DACH1: variants seen among roughly 807,000 people sequenced by gnomAD.
DACH1 encodes dachshund homolog 1.
In DACH1, 12 loss-of-function variants were observed where a neutral mutation model predicts 54.2. That is an observed-to-expected ratio of 0.22 (90% CI 0.14 to 0.36). The LOEUF is 0.36. Ranked by LOEUF, DACH1 falls within the 10% of genes least tolerant of loss-of-function variation. The pLI is 1.00. For missense variants in DACH1, 805 were observed against 929.8 expected (o/e 0.87, Z 1.75); for synonymous variants, 386 against 366.2 (o/e 1.05, Z -0.62).
intron 1 of DACH1, among the ~76,000 whole-genome samples, chr13:71,824,382 G>T (rs1306300730): frequency 6.6e-6 from 1 of 151,924 alleles, no homozygotes; most frequent in Admixed American, 6.6e-5. Context: ...AAGAGATGGA[G>T]AGGAACTTTC....
intron 1 of DACH1, among the ~76,000 whole-genome samples, chr13:71,809,477 C>A (rs1433772561): frequency 1.3e-5 from 2 of 152,090 alleles, no homozygotes; most frequent in East Asian, 1.9e-4. Context: ...AGCCTAGAAT[C>A]TTTTAATAGT....
intron 1 of DACH1, among the ~76,000 whole-genome samples, chr13:71,696,745 C>A (rs1881853916): frequency 6.6e-6 from 1 of 152,058 alleles, no homozygotes; most frequent in African/African-American, 2.4e-5. Context: ...CAGGGATTCA[C>A]TATGTTGGTC....
intron 2 of DACH1, among the ~76,000 whole-genome samples, chr13:71,681,303 A>G (rs183436770): frequency 2.0e-5 from 3 of 152,314 alleles, no homozygotes; most frequent in Admixed American, 2.0e-4. Flanking sequence ...ACATCTTTCA[A>G]ATGGGTTCTA....
intron 3 of DACH1, among the ~76,000 whole-genome samples, chr13:71,593,062 T>C (rs1260789264): frequency 2.0e-5 from 3 of 151,786 alleles, no homozygotes; most frequent in Non-Finnish European, 4.4e-5. Context: ...CACAGAAAAA[T>C]AGGAAGAATT....
chr13:71,460,891 G>A (rs960135574), intron 10 of DACH1, among the ~76,000 whole-genome samples: 7 of 151,944 alleles, frequency 4.6e-5, no homozygotes, highest in African/African-American at 1.7e-4. Flanking sequence ...AGAATTACAA[G>A]AAATGTATTC....
intron 1 of DACH1, among the ~76,000 whole-genome samples, chr13:71,736,408 A>G (rs1884120094): frequency 6.6e-6 from 1 of 152,176 alleles, no homozygotes; most frequent in Admixed American, 6.5e-5. Context: ...TATTGAGAAA[A>G]CCAAAAAGAC....
chr13:71,784,481 T>A (rs962093346), intron 1 of DACH1, among the ~76,000 whole-genome samples: 49 of 152,170 alleles, frequency 3.2e-4, no homozygotes, highest in Non-Finnish European at 6.6e-4. Flanking sequence ...ATGGCCTATT[T>A]TCCTTTCTGT....
At chr13:71,599,092 A>T (rs1481382460) in intron 3 of DACH1, among the ~76,000 whole-genome samples, 1 of 152,166 alleles carries the variant, frequency 6.6e-6, no homozygotes. Context: ...AACTAAAGAT[A>T]AAATAAGTCA....
intron 6 of DACH1, among the ~76,000 whole-genome samples, chr13:71,497,858 TGACACACACAC>T (rs1423906612): frequency 4.5e-5 from 3 of 66,672 alleles, no homozygotes; most frequent in Non-Finnish European, 8.8e-5. Flanking sequence ...AAATATGTGT[TGACACACACAC>T]ACACACACAC....
chr13:71,845,790 A>G (rs1040123585), intron 1 of DACH1, among the ~76,000 whole-genome samples: 4 of 152,246 alleles, frequency 2.6e-5, no homozygotes, highest in Non-Finnish European at 5.9e-5. Flanking sequence ...ATCTGAAGAT[A>G]TAAATTAGAT....
At chr13:71,821,429 A>ATTTAAATTTATATTTAAATTCTAAGAT (rs1888181171) in intron 1 of DACH1, among the ~76,000 whole-genome samples, 3 of 131,122 alleles carry the variant, frequency 2.3e-5, no homozygotes, top group African/African-American at 8.4e-5. Flanking sequence ...AAGATTTTAA[A>ATTTAAATTTATATTTAAATTCTAAGAT]TTTAAATTTA....
intron 1 of DACH1, among the ~76,000 whole-genome samples, chr13:71,784,141 T>C (rs1323909726): frequency 6.6e-6 from 1 of 152,062 alleles, no homozygotes; most frequent in African/African-American, 2.4e-5. Flanking sequence ...GGATTTGTAA[T>C]GGTACCAAGG....
chr13:71,807,057 G>A (rs768883594), intron 1 of DACH1, among the ~76,000 whole-genome samples: 2 of 152,156 alleles, frequency 1.3e-5, no homozygotes, highest in Non-Finnish European at 2.9e-5. Flanking sequence ...CCAGGAATGA[G>A]AAGAAAAGCC....
At chr13:71,675,198 T>C in intron 2 of DACH1, 3 of 1,573,596 alleles carry the variant, frequency 1.9e-6, no homozygotes, top group Non-Finnish European at 2.6e-6. Flanking sequence ...ACAGGCCTGG[T>C]ACTGTGGCGC....
rs398023338 is a variant in DACH1 at position 71,692,506 on chromosome 13, C to CTTT, written c.849-10599_849-10597dup. On this transcript the variant is annotated intron_variant, in intron 1 of 10. Coordinates refer to ENST00000613252, the MANE Select transcript of DACH1 (RefSeq NM_080759.6). ...CCTTTCTTTTTCTTTCTTTTCTTTC[C>CTTT]TTTTTTTTTTTTTTTTTTTTTTTTT... 1.5e-3 allele frequency among the ~76,000 whole-genome samples: 65 copies of CTTT among 44,438 alleles called. 3 individuals are homozygous for CTTT. Among genetic ancestry groups the CTTT allele is most frequent in the African/African-American group, 4.0e-3 (33 of 8,330 alleles). The allele number at this position is 44,438 out of a possible 152,430, so 29.2% of individuals were successfully genotyped here.
chr13:71,813,546 A>G (rs1333675792), intron 1 of DACH1, among the ~76,000 whole-genome samples: 1 of 152,136 alleles, frequency 6.6e-6, no homozygotes, highest in African/African-American at 2.4e-5. Flanking sequence ...GGGAGGATGT[A>G]TTCTCCTCCT....
intron 1 of DACH1, among the ~76,000 whole-genome samples, chr13:71,791,870 T>C (rs1189640519): frequency 6.6e-6 from 1 of 152,178 alleles, no homozygotes; most frequent in Non-Finnish European, 1.5e-5. Flanking sequence ...TTTCACATAT[T>C]TGCTGGTCAA....
chr13:71,597,520 AG>A (rs1874180394), intron 3 of DACH1, among the ~76,000 whole-genome samples: 1 of 152,150 alleles, frequency 6.6e-6, no homozygotes, highest in Admixed American at 6.5e-5. Flanking sequence ...TTGTTGGAAA[AG>A]TCCTCTACTG....
chr13:71,495,650 G>GA (rs951515637), intron 6 of DACH1, among the ~76,000 whole-genome samples: 3 of 151,990 alleles, frequency 2.0e-5, no homozygotes, highest in East Asian at 3.9e-4. Context: ...TTTACAGAAA[G>GA]AAAAAATTAC....
Sources: allele counts gnomAD v4.1 joint callset (sites outside exome capture counted in the v4.1 genomes callset), GRCh38; gene constraint gnomAD v4.1.1; transcripts MANE v1.5; gene names NCBI Gene and HGNC (gene_info 2026-07-23, HGNC 2026-07-21).